CLASP1: variants seen among roughly 807,000 people sequenced by gnomAD.
The protein encoded by CLASP1 is cytoplasmic linker associated protein 1, also known as CLIP-associating protein 1.
A neutral mutation model predicts 192.3 loss-of-function variants in CLASP1; 38 were observed. The observed-to-expected ratio is 0.20, with a 90% confidence interval of 0.15 to 0.26. The LOEUF (loss-of-function observed/expected upper bound fraction) is 0.26, where lower values mean the gene tolerates loss of function less well. Among genes scored for constraint, CLASP1 ranks in the 10% least tolerant of loss-of-function variants. CLASP1 has a pLI of 1.00. For synonymous variants in CLASP1, 691 were observed against 712.8 expected, an observed-to-expected ratio of 0.97 and a Z score of 0.49; for missense variants, 1,433 against 1,932.5, an observed-to-expected ratio of 0.74 and a Z score of 4.85.
chr2:121,489,665 C>T (rs1243693381), intron 8 of CLASP1, among the ~76,000 whole-genome samples: 2 of 152,158 alleles, frequency 1.3e-5, no homozygotes, highest in Non-Finnish European at 2.9e-5. Flanking sequence ...CGATATTGGC[C>T]AAACCTGAGA....
chr2:121,531,608 A>T (rs1194564922), intron 2 of CLASP1, among the ~76,000 whole-genome samples: 1 of 138,240 alleles, frequency 7.2e-6, no homozygotes. Context: ...AAAAAAAAAA[A>T]ATAGTAATCC....
intron 19 of CLASP1, among the ~76,000 whole-genome samples, chr2:121,442,908 G>T (rs1466643834): frequency 1.3e-5 from 2 of 152,088 alleles, no homozygotes; most frequent in Non-Finnish European, 2.9e-5. Context: ...AATGCAGGTG[G>T]AAAACTCGTA....
rs1370455994 is a variant in CLASP1, at chr2:121,484,522, CA to C, written c.713-14563del. ...CACCACCATGCAGGGAACTTCTGAG[CA>C]CAAATAGTGCAGGGCCAGGGTCTTG... is the stretch of plus-strand genomic sequence containing the variant. On this transcript the variant is annotated intron_variant, in intron 8 of 39. Transcript: ENST00000263710. 2.6e-5 allele frequency among the ~76,000 whole-genome samples: 4 copies of C among 152,338 alleles called. No homozygotes were observed. In the East Asian group the frequency reaches 5.8e-4, roughly 22 times the overall value.
chr2:121,339,135 AC>A (rs2062587755), exon 40 of CLASP1: 1 of 134,604 alleles, frequency 7.4e-6, no homozygotes, highest in East Asian at 2.2e-4. Context: ...ACAACACCAC[AC>A]ACACACACAC....
At position 121,404,367 on chromosome 2, in the gene CLASP1, T is replaced by A; in HGVS notation, c.2733+4A>T. On this transcript the variant is annotated splice_donor_region_variant and intron_variant, in intron 26 of 39. Coordinates refer to ENST00000263710, the Ensembl canonical transcript of CLASP1. The stretch of plus-strand genomic sequence containing the variant: ...AGACAGGGCAGGCATGACTTCAGAC[T>A]TACCTTGCTATGAGGGTCAGCAAAC... The A allele has an allele frequency of 6.2e-7, 1 of 1,611,608 alleles. No homozygotes were observed. The highest frequency in any genetic ancestry group is 8.5e-7 in the Non-Finnish European group (1 of 1,179,008).
chr2:121,499,512 CAA>C (rs58681666), intron 8 of CLASP1, among the ~76,000 whole-genome samples: 5,663 of 132,148 alleles, frequency 0.043, 149 homozygotes, highest in East Asian at 0.16. Flanking sequence ...TGTGAATATT[CAA>C]AAAAAAAAAA....
At chr2:121,400,177 G>A (rs1277467522) in intron 28 of CLASP1, among the ~76,000 whole-genome samples, 5 of 152,126 alleles carry the variant, frequency 3.3e-5, no homozygotes, top group Admixed American at 3.3e-4. Context: ...AAGCTTTATT[G>A]CAAATTTAGT....
chr2:121,442,644 T>C (rs952746099), intron 19 of CLASP1, among the ~76,000 whole-genome samples: 7 of 152,106 alleles, frequency 4.6e-5, no homozygotes, highest in Admixed American at 4.6e-4. Context: ...CACATCTGGC[T>C]AATTTTTGTA....
chr2:121,541,568 C>A (rs2095234344), intron 2 of CLASP1, among the ~76,000 whole-genome samples: 1 of 152,096 alleles, frequency 6.6e-6, no homozygotes, highest in Non-Finnish European at 1.5e-5. Flanking sequence ...ATCTCTCTTT[C>A]TCTCTCTCTA....
At chr2:121,375,600 G>A (rs2069911416) in intron 34 of CLASP1, among the ~76,000 whole-genome samples, 1 of 152,128 alleles carries the variant, frequency 6.6e-6, no homozygotes, top group Non-Finnish European at 1.5e-5. Context: ...TTGACCTCAT[G>A]ATCCACCCGC....
chr2:121,564,880 G>A (rs2059375923), intron 2 of CLASP1, among the ~76,000 whole-genome samples: 1 of 152,206 alleles, frequency 6.6e-6, no homozygotes, highest in Non-Finnish European at 1.5e-5. Context: ...CCCTAAATAA[G>A]TTCTGGGTTC....
chr2:121,361,896 A>G (rs912415151), intron 37 of CLASP1, among the ~76,000 whole-genome samples: 3 of 152,242 alleles, frequency 2.0e-5, no homozygotes, highest in African/African-American at 7.2e-5. Context: ...TCCCCTGTGT[A>G]CTGTGTGCTG....
Position 121,568,924 on chromosome 2 carries a change from AGC to A in CLASP1, c.195+36775_195+36776del, listed in dbSNP as rs561697308. Among the ~76,000 whole-genome samples, 1,198 of 152,272 alleles carry A rather than the reference AGC, an allele frequency of 7.9e-3. 7 individuals are homozygous for A. Among genetic ancestry groups the A allele is most frequent in the Non-Finnish European group, 0.014 (947 of 68,014 alleles). On this transcript the variant is annotated intron_variant, in intron 2 of 39. Transcript: ENST00000263710. ...TTTGGAGGAATAGAATTGATAGGGT[AGC>A]CTCTGGCTGTCCTGAGCTGGTGTCA...
intron 8 of CLASP1, among the ~76,000 whole-genome samples, chr2:121,497,318 G>A (rs755536408): frequency 1.3e-5 from 2 of 152,104 alleles, no homozygotes; most frequent in Non-Finnish European, 2.9e-5. Flanking sequence ...GAGCAATCAC[G>A]CTTATAAGGA....
Position 121,363,225 on chromosome 2 carries a change from C to T in CLASP1, c.4153G>A (p.Ala1385Thr). The stretch of plus-strand genomic sequence containing the variant: ...AGAGTCTTCATAATCGTCAGCTCGG[C>T]GTAGTTTTTAAATCTTGCTGGTTGA... Residue 1385 changes from alanine to threonine, a missense_variant, in exon 37 of 40, where the codon GCC (alanine) becomes ACC (threonine). Physicochemically the swap from Ala to Thr is moderately conservative, Grantham distance 58. Around this residue, in one of 8 missense-constraint regions of CLASP1, gnomAD observed 148 missense variants for 247.5 expected, o/e 0.60. Coordinates refer to ENST00000263710, the Ensembl canonical transcript of CLASP1. 1 of 1,613,884 alleles carries T rather than the reference C, an allele frequency of 6.2e-7. No individual in the cohort carries two copies. Among genetic ancestry groups the T allele is most frequent in the South Asian group, 1.1e-5 (1 of 91,050 alleles).
intron 1 of CLASP1, among the ~76,000 whole-genome samples, chr2:121,648,818 C>T (rs1031361814): frequency 6.6e-6 from 1 of 152,250 alleles, no homozygotes; most frequent in Non-Finnish European, 1.5e-5. Context: ...TGCATCCCAT[C>T]AAGCCGGCCG....
chr2:121,492,674 T>TAAAAAAAAA (rs200482614), intron 8 of CLASP1, among the ~76,000 whole-genome samples: 23 of 123,826 alleles, frequency 1.9e-4, no homozygotes, highest in Non-Finnish European at 2.6e-4. Flanking sequence ...TTAAAAAAAA[T>TAAAAAAAAA]AAAAAAAAAA....
chr2:121,583,923 G>A (rs2061461729), intron 2 of CLASP1, among the ~76,000 whole-genome samples: 1 of 151,994 alleles, frequency 6.6e-6, no homozygotes, highest in South Asian at 2.1e-4. Context: ...GGGGAGGGCA[G>A]GTGGAGGAAC....
chr2:121,538,355 T>G (rs2095145320), intron 2 of CLASP1, among the ~76,000 whole-genome samples: 1 of 151,894 alleles, frequency 6.6e-6, no homozygotes, highest in African/African-American at 2.4e-5. Flanking sequence ...GATGTTGCAG[T>G]GACCCAAGAT....
Sources: allele counts gnomAD v4.1 joint callset (sites outside exome capture counted in the v4.1 genomes callset), GRCh38; gene constraint gnomAD v4.1.1; regional missense constraint gnomAD v4.1.1; transcripts MANE v1.5; gene names NCBI Gene and HGNC (gene_info 2026-07-23, HGNC 2026-07-21).